POR: variants seen among roughly 807,000 people sequenced by gnomAD.
POR encodes the protein NADPH--cytochrome P450 reductase.
POR carries 56 observed loss-of-function variants against 84.0 expected under a neutral mutation model. That is an observed-to-expected ratio of 0.67 (90% CI 0.54 to 0.83). The LOEUF (loss-of-function observed/expected upper bound fraction) is 0.83, where lower values mean the gene tolerates loss of function less well. Ranked by LOEUF, POR falls within the 40% of genes least tolerant of loss-of-function variation. The pLI, the probability that POR is intolerant of heterozygous loss-of-function variation, is 0.00. For synonymous variants in POR, 414 were observed against 400.5 expected, an observed-to-expected ratio of 1.03 and a Z score of -0.40; for missense variants, 938 against 944.3, an observed-to-expected ratio of 0.99 and a Z score of 0.09.
chr7:75,952,990 C>T (rs1364073269), intron 1 of POR, among the ~76,000 whole-genome samples: 2 of 152,076 alleles, frequency 1.3e-5, no homozygotes, highest in Admixed American at 6.5e-5. Flanking sequence ...GTGGTTGTAG[C>T]GAGCCGAGAT....
chr7:75,980,796 G>A lies in POR; in HGVS notation c.517-252G>A. 9 of 1,339,742 alleles carry A rather than the reference G, an allele frequency of 6.7e-6. No homozygotes were observed. In the South Asian group the frequency reaches 1.2e-4, roughly 17 times the overall value. 83.0% of individuals were successfully genotyped at this position (1,339,742 alleles called of 1,614,324 possible). A position where few individuals can be genotyped will look rare whatever the true frequency, so the allele number is the denominator to read the frequency against. ...CTGGAGCCCCAGCCCGGTGGGGAGG[G>A]TGGGCTGGCCCCGCTTCCCTGTGGG... On this transcript the variant is annotated intron_variant, in intron 5 of 15. Coordinates refer to ENST00000461988, the MANE Select transcript of POR (RefSeq NM_000941.3).
Position 75,921,556 on chromosome 7 carries a change from C to T in POR, c.-5+6377C>T, listed in dbSNP as rs142838819. ...GGATTACAGCAGGCGTGAGCCACCA[C>T]GCCCGGCCCTTTAAATCTCTTTCCA... On this transcript the variant is annotated intron_variant, in intron 1 of 15. Coordinates refer to ENST00000461988, the MANE Select transcript of POR (RefSeq NM_000941.3). Among the ~76,000 whole-genome samples, 79 of 152,198 alleles carry T rather than the reference C, an allele frequency of 5.2e-4. 1 individual carries two copies. In the East Asian group the frequency reaches 0.013, roughly 25 times the overall value.
intron 3 of POR, among the ~76,000 whole-genome samples, chr7:75,977,889 C>G (rs1554557068): frequency 6.6e-6 from 1 of 152,210 alleles, no homozygotes; most frequent in Admixed American, 6.5e-5. Flanking sequence ...GCCTTGGCCT[C>G]CCTTCCACCC....
chr7:75,985,252 C>A (rs1331932041), intron 12 of POR, 45 bp downstream of exon 12: 4 of 1,535,044 alleles, frequency 2.6e-6, no homozygotes, highest in African/African-American at 2.7e-5. Flanking sequence ...GGAGGCCCAG[C>A]CCTGCTCACA....
intron 1 of POR, among the ~76,000 whole-genome samples, chr7:75,936,909 C>A (rs1585092724): frequency 1.3e-5 from 2 of 148,976 alleles, no homozygotes; most frequent in Non-Finnish European, 3.0e-5. Flanking sequence ...TCACTGCAAA[C>A]TCCACCTCCC....
In POR at chr7:75,984,792, A is replaced by G. The variant is rs1554558751; in HGVS notation, c.1082A>G (p.Lys361Arg). The G allele has an allele frequency of 6.2e-7, 1 of 1,612,478 alleles. No homozygotes were observed. Among genetic ancestry groups the G allele is most frequent in the East Asian group, 2.2e-5 (1 of 44,848 alleles). The change falls in exon 11 of 16, where the codon AAG becomes AGG. Residue 361 changes from lysine (K) to arginine (R), a missense_variant. Transcript: ENST00000461988. ...TTCCCTGCAGAGGAGTCCAACAAGAAGCACCCATTCCCGTGCCCTACGTCC... is the reference window on the plus strand; with the variant it reads ...TTCCCTGCAGAGGAGTCCAACAAGAGGCACCCATTCCCGTGCCCTACGTCC...
rs1239195852 is a variant in POR, at chr7:75,923,181, C to G, written c.-5+8002C>G. The G allele has an allele frequency of 3.5e-6, 4 of 1,134,548 alleles. No homozygotes were observed. The African/African-American group carries it at 6.1e-5, about 17-fold the overall frequency. The allele number at this position is 1,134,548 out of a possible 1,614,324, so 70.3% of individuals were successfully genotyped here. On this transcript the variant is annotated intron_variant, in intron 1 of 15. Transcript: ENST00000461988. ...AACTCATTTTGAAACGTAGACAAGC[C>G]AAGGTCAAGAATAAGACCATCCCTC...
At chr7:75,950,055 A>G (rs1787346175) in intron 1 of POR, among the ~76,000 whole-genome samples, 1 of 150,428 alleles carries the variant, frequency 6.6e-6, no homozygotes. Flanking sequence ...TTTTTTAAGT[A>G]GAGACGGGGT....
intron 2 of POR, among the ~76,000 whole-genome samples, chr7:75,961,531 A>G (rs1554554525): frequency 6.6e-6 from 1 of 152,166 alleles, no homozygotes; most frequent in African/African-American, 2.4e-5. Context: ...CTTATGGAAC[A>G]TTTCAAACAC....
At chr7:75,930,473 C>A (rs782045675) in intron 1 of POR, among the ~76,000 whole-genome samples, 1 of 151,904 alleles carries the variant, frequency 6.6e-6, no homozygotes. Flanking sequence ...CAGAGCAAGA[C>A]CCTGTCTAAA....
intron 1 of POR, among the ~76,000 whole-genome samples, chr7:75,935,067 C>T (rs556186094): frequency 1.3e-5 from 2 of 152,202 alleles, no homozygotes; most frequent in Admixed American, 6.5e-5. Flanking sequence ...ATCTTACAAC[C>T]TGTCCCTGGA....
chr7:75,929,633 T>C (rs782485878), intron 1 of POR, among the ~76,000 whole-genome samples: 12 of 152,142 alleles, frequency 7.9e-5, no homozygotes, highest in Non-Finnish European at 1.3e-4. Flanking sequence ...GGGGAAGGAA[T>C]GACCAATACG....
chr7:75,938,331 G>A (rs1187864785), intron 1 of POR, among the ~76,000 whole-genome samples: 2 of 152,198 alleles, frequency 1.3e-5, no homozygotes. Context: ...TCGTTGTACA[G>A]TAGTACCTTC....
In POR at chr7:75,984,963, G is replaced by A. The variant is rs782127423; in HGVS notation, c.1248+5G>A. On this transcript the variant is annotated splice_donor_5th_base_variant and intron_variant, in intron 11 of 15. Transcript: ENST00000461988. Reference sequence around the variant, plus strand: ...TCCTCCTCCGGCGAGGGCAAGGTGCGCCCCCTCAGCCCCCGCAACCTCCGC... The same window carrying A: ...TCCTCCTCCGGCGAGGGCAAGGTGCACCCCCTCAGCCCCCGCAACCTCCGC... 9.5e-6 allele frequency: 15 copies of A among 1,577,298 alleles called. No homozygotes were observed. Among genetic ancestry groups the A allele is most frequent in the Admixed American group, 5.1e-5 (3 of 58,672 alleles).
chr7:75,940,053 C>T lies in POR; in HGVS notation c.-4-13936C>T, dbSNP rs186585788. 1.9e-4 allele frequency among the ~76,000 whole-genome samples: 29 copies of T among 151,808 alleles called. No homozygotes were observed. In the East Asian group the frequency reaches 3.5e-3, roughly 18 times the overall value. On this transcript the variant is annotated intron_variant, in intron 1 of 15. Coordinates refer to ENST00000461988, the MANE Select transcript of POR (RefSeq NM_000941.3). ...AGCTGGGACTACAGACCTGAGCCAA[C>T]GCTCCCCACCTCTTTACTCTTATTT... is the stretch of plus-strand genomic sequence containing the variant.
rs140204748 is a variant in POR, at chr7:75,979,146, C to T, written c.238-305C>T. Among the ~76,000 whole-genome samples, 8 of 152,208 alleles carry T rather than the reference C, an allele frequency of 5.3e-5. No homozygotes were observed. In the East Asian group the frequency reaches 7.7e-4, roughly 15 times the overall value. On this transcript the variant is annotated intron_variant, in intron 3 of 15. Transcript: ENST00000461988. ...GGGAGGTCCTGGAACCATTCCCCCA[C>T]GGATAGGGGCTATACATTTGGTTAC...
chr7:75,986,326 T>C lies in POR; in HGVS notation c.1899-11T>C. The stretch of plus-strand genomic sequence containing the variant: ...TTGGCCCAGCCCCCAGCACCCCCTC[T>C]TCCTGCCCAGGGATGCACGGAACAT... On this transcript the variant is annotated splice_polypyrimidine_tract_variant and intron_variant, in intron 15 of 15. Transcript: ENST00000461988. The C allele has an allele frequency of 6.2e-7, 1 of 1,612,454 alleles. No individual in the cohort carries two copies. The highest frequency in any genetic ancestry group is 1.3e-5 in the African/African-American group (1 of 74,974).
chr7:75,936,177 C>T (rs969559755), intron 1 of POR, among the ~76,000 whole-genome samples: 1 of 147,786 alleles, frequency 6.8e-6, no homozygotes, highest in Non-Finnish European at 1.5e-5. Flanking sequence ...TCACTGCAGC[C>T]TCTGCAGCCT....
chr7:75,933,430 C>T (rs1305896789), intron 1 of POR, among the ~76,000 whole-genome samples: 7 of 137,822 alleles, frequency 5.1e-5, no homozygotes, highest in African/African-American at 1.9e-4. Context: ...CTCTTGTTGC[C>T]CAGGCTGGAG....
Sources: allele counts gnomAD v4.1 joint callset (sites outside exome capture counted in the v4.1 genomes callset), GRCh38; gene constraint gnomAD v4.1.1; transcripts MANE v1.5; gene names NCBI Gene and HGNC (gene_info 2026-07-23, HGNC 2026-07-21).